Variants in PIP5K1A observed in about 807,000 individuals in gnomAD.
PIP5K1A encodes phosphatidylinositol 4-phosphate 5-kinase type-1 alpha.
PIP5K1A carries 46 observed loss-of-function variants against 72.9 expected under a neutral mutation model. The observed-to-expected ratio is 0.63, with a 90% CI of 0.50 to 0.81. The LOEUF is 0.81. Ranked by LOEUF, PIP5K1A falls within the 30% of genes least tolerant of loss-of-function variation. The pLI is 0.00. For synonymous variants in PIP5K1A, 228 were observed against 255.1 expected (o/e 0.89, Z 1.01); for missense variants, 458 against 706.1 (o/e 0.65, Z 3.98).
rs1165884119 is a variant in PIP5K1A, at chr1:151,234,406, C to A, written c.849C>A (p.Asp283Glu). Reference sequence around the variant, plus strand: ...AGAAGCCTCTTCCCACATTTAAAGACCTAGACTTCTTACAAGACATCCCTG... The same window carrying A: ...AGAAGCCTCTTCCCACATTTAAAGAACTAGACTTCTTACAAGACATCCCTG... ...EREKPLPTFK[D>E]LDFLQDIPDG... The change falls in exon 8 of 16, where the codon GAC (aspartate) becomes GAA (glutamate). Residue 283 changes from aspartate (D) to glutamate (E), a missense_variant. By Grantham distance (45) the Asp-to-Glu change is conservative. Coordinates refer to ENST00000368888, the MANE Select transcript of PIP5K1A (RefSeq NM_001135638.2). 2 of 1,613,850 alleles carry A rather than the reference C, an allele frequency of 1.2e-6. No homozygotes were observed. The highest frequency in any genetic ancestry group is 1.7e-6 in the Non-Finnish European group (2 of 1,179,718).
upstream of PIP5K1A, among the ~76,000 whole-genome samples, chr1:151,196,682 G>A (rs1449067209): frequency 6.7e-6 from 1 of 150,192 alleles, no homozygotes; most frequent in Non-Finnish European, 1.5e-5. Context: ...AGCCTCCGGC[G>A]TAGCGAGTAG....
At chr1:151,243,794 G>T (rs184029382) in intron 14 of PIP5K1A, among the ~76,000 whole-genome samples, 25 of 152,278 alleles carry the variant, frequency 1.6e-4, no homozygotes, top group Admixed American at 1.3e-3. Context: ...TGATACAGAA[G>T]ATTTTGTGGG....
chr1:151,218,563 T>C (rs935659593), intron 1 of PIP5K1A, among the ~76,000 whole-genome samples: 1 of 152,056 alleles, frequency 6.6e-6, no homozygotes, highest in Non-Finnish European at 1.5e-5. Context: ...GAGGCCGGGC[T>C]CAGTGGCTCA....
intron 1 of PIP5K1A, among the ~76,000 whole-genome samples, chr1:151,205,544 C>G (rs1039532073): frequency 6.6e-6 from 1 of 151,804 alleles, no homozygotes; most frequent in Non-Finnish European, 1.5e-5. Context: ...TGGTGACTCA[C>G]GCCTGTAATG....
chr1:151,213,017 A>G (rs2102152658), intron 1 of PIP5K1A, among the ~76,000 whole-genome samples: 1 of 149,426 alleles, frequency 6.7e-6, no homozygotes, highest in South Asian at 2.1e-4. Flanking sequence ...CAGCCTCTGG[A>G]GTAGCTGGAA....
In PIP5K1A at chr1:151,245,621, C is replaced by T. The variant is rs370490836; in HGVS notation, c.1641-1299C>T. ...CACTATCTTGGTTCATTGCAACTTC[C>T]GCCTCCCAGGTTCAAGCGATTCTCC... On this transcript the variant is annotated intron_variant, in intron 14 of 15. Transcript: ENST00000368888. Among the ~76,000 whole-genome samples, 22 of 152,218 alleles carry T rather than the reference C, an allele frequency of 1.4e-4. No individual in the cohort carries two copies. In the East Asian group the frequency reaches 2.5e-3, roughly 17 times the overall value.
chr1:151,201,573 C>T (rs1032176744), intron 1 of PIP5K1A, among the ~76,000 whole-genome samples: 10 of 152,118 alleles, frequency 6.6e-5, no homozygotes, highest in Middle Eastern at 3.4e-3. Flanking sequence ...CCAGACTAGT[C>T]TTGAACTCCT....
At position 151,224,436 on chromosome 1, in the gene PIP5K1A, T is replaced by G. The variant is rs767100687; in HGVS notation, c.156+30T>G. 5 of 1,434,076 alleles carry G rather than the reference T, an allele frequency of 3.5e-6. No individual in the cohort carries two copies. The South Asian group carries it at 5.8e-5, about 17-fold the overall frequency. 88.8% of individuals were successfully genotyped at this position (1,434,076 alleles called of 1,614,324 possible). On this transcript the variant is annotated intron_variant, in intron 3 of 15. Transcript: ENST00000368888. Reference sequence around the variant, plus strand: ...GCTAGAAATTATGCAACTCATCTTTTATTGTAGTTTATTTTAAATATTAAC... The same window carrying G: ...GCTAGAAATTATGCAACTCATCTTTGATTGTAGTTTATTTTAAATATTAAC...
chr1:151,226,017 G>A (rs1387259941), intron 3 of PIP5K1A, among the ~76,000 whole-genome samples: 1 of 151,374 alleles, frequency 6.6e-6, no homozygotes, highest in Non-Finnish European at 1.5e-5. Context: ...AGGCTCAAGT[G>A]ATCTTCCCCA....
chr1:151,238,580 T>C (rs943371691), intron 10 of PIP5K1A: 6 of 320,044 alleles, frequency 1.9e-5, no homozygotes, highest in Admixed American at 9.2e-5. Flanking sequence ...AGATGAGTCA[T>C]GTTCCACATG....
At chr1:151,203,196 A>T (rs1685453470) in intron 1 of PIP5K1A, among the ~76,000 whole-genome samples, 1 of 152,168 alleles carries the variant, frequency 6.6e-6, no homozygotes, top group Admixed American at 6.6e-5. Flanking sequence ...CCTATGAAAT[A>T]AGAGTTGTGG....
chr1:151,234,255 A>T lies in PIP5K1A; in HGVS notation c.698A>T (p.Gln233Leu). ...LPKFYGLYCV[Q>L]AGGKNIRIVV... ...AAATTCTATGGACTGTACTGTGTGC[A>T]GGCAGGTGGCAAGAACATTCGGATT... Residue 233 changes from glutamine to leucine, a missense_variant, in exon 8 of 16, where the codon CAG becomes CTG. Around this residue, in one of 3 missense-constraint regions of PIP5K1A, gnomAD observed 220 missense variants for 442.6 expected, o/e 0.50. Coordinates refer to ENST00000368888, the MANE Select transcript of PIP5K1A (RefSeq NM_001135638.2). The T allele has an allele frequency of 6.2e-7, 1 of 1,614,076 alleles. No homozygotes were observed. Among genetic ancestry groups the T allele is most frequent in the Non-Finnish European group, 8.5e-7 (1 of 1,179,932 alleles).
intron 1 of PIP5K1A, among the ~76,000 whole-genome samples, chr1:151,207,081 G>A (rs925218912): frequency 6.6e-6 from 1 of 151,938 alleles, no homozygotes; most frequent in Non-Finnish European, 1.5e-5. Flanking sequence ...TGTTGGCCAG[G>A]CTGATCTTGA....
intron 1 of PIP5K1A, among the ~76,000 whole-genome samples, chr1:151,208,222 G>A (rs1329354286): frequency 2.0e-5 from 3 of 152,122 alleles, no homozygotes; most frequent in Non-Finnish European, 4.4e-5. Context: ...AGGACTGGTA[G>A]ATCAAATTGC....
At chr1:151,195,822 T>C (rs1252504845), upstream of PIP5K1A, among the ~76,000 whole-genome samples, 1 of 151,338 alleles carries the variant, frequency 6.6e-6, no homozygotes, top group African/African-American at 2.4e-5. Flanking sequence ...TTGGTCATTC[T>C]GGGATTTATT....
chr1:151,224,155 A>G, intron 1 of PIP5K1A, 90 bp from the exon 2 acceptor site: 1 of 1,148,952 alleles, frequency 8.7e-7, no homozygotes, highest in South Asian at 1.2e-5. Flanking sequence ...ACTTATGTTT[A>G]GTTTGACTCA....
upstream of PIP5K1A, among the ~76,000 whole-genome samples, chr1:151,197,088 C>T (rs1311368676): frequency 6.6e-6 from 1 of 150,958 alleles, no homozygotes; most frequent in African/African-American, 2.4e-5. Flanking sequence ...TCTCGTACTC[C>T]TGAGCTCAGA....
rs750733300 is a variant in PIP5K1A at position 151,242,427 on chromosome 1, C to CT, written c.1511-5dup. On this transcript the variant is annotated splice_polypyrimidine_tract_variant and intron_variant, in intron 13 of 15. Coordinates refer to ENST00000368888, the MANE Select transcript of PIP5K1A (RefSeq NM_001135638.2). ...ATTTACTGTACCCCATCTTCTCTAT[C>CT]TTTTTTCCAGGCGTTCACCTTGGTC... The CT allele has an allele frequency of 1.2e-6, 2 of 1,611,416 alleles. No homozygotes were observed.
chr1:151,246,855 G>C, intron 14 of PIP5K1A, 65 bp from the exon 15 acceptor site: 1 of 1,178,860 alleles, frequency 8.5e-7, no homozygotes, highest in Non-Finnish European at 1.3e-6. Flanking sequence ...GATTTAAAAG[G>C]AGAGTCCTTT....
Sources: allele counts gnomAD v4.1 joint callset (sites outside exome capture counted in the v4.1 genomes callset), GRCh38; gene constraint gnomAD v4.1.1; regional missense constraint gnomAD v4.1.1; transcripts MANE v1.5; gene names NCBI Gene and HGNC (gene_info 2026-07-23, HGNC 2026-07-21).